The following FSHR variants were observed in gnomAD, a reference collection of about 807,000 sequenced individuals.
FSHR encodes the protein follicle-stimulating hormone receptor.
Under a neutral mutation model 52.1 loss-of-function variants are expected in FSHR, and 46 were observed. The ratio of observed to expected loss-of-function variants is 0.88; its 90% CI spans 0.70 to 1.13. The LOEUF (loss-of-function observed/expected upper bound fraction) is 1.13. Ranked by LOEUF, FSHR falls within the 50% of genes most tolerant of loss-of-function variation. The pLI is 0.00. For missense variants in FSHR, 964 were observed against 834.6 expected (o/e 1.16, Z -1.91); for synonymous variants, 399 against 309.6 (o/e 1.29, Z -3.03).
intron 2 of FSHR, among the ~76,000 whole-genome samples, chr2:49,036,761 G>C (rs372018910): frequency 2.0e-5 from 3 of 152,098 alleles, no homozygotes; most frequent in East Asian, 3.9e-4. Context: ...TTAAAGGAGA[G>C]GGTGATAAAC....
intron 1 of FSHR, among the ~76,000 whole-genome samples, chr2:49,154,002 G>C (rs1024200381): frequency 2.6e-5 from 4 of 152,112 alleles, no homozygotes; most frequent in African/African-American, 7.2e-5. Context: ...GCATTGAAAA[G>C]ACAAAACTTT....
At chr2:49,131,761 A>G (rs1672288522) in intron 1 of FSHR, among the ~76,000 whole-genome samples, 2 of 152,202 alleles carry the variant, frequency 1.3e-5, no homozygotes, top group African/African-American at 4.8e-5. Context: ...CAGGAACAAG[A>G]ACAATTTCTT....
At chr2:48,965,156 G>A (rs2103997377) in intron 9 of FSHR, among the ~76,000 whole-genome samples, 2 of 152,214 alleles carry the variant, frequency 1.3e-5, no homozygotes, top group Middle Eastern at 6.8e-3. Flanking sequence ...AAGGAAAAAG[G>A]TGGCTAGGGG....
At chr2:49,122,692 T>G (rs1237334407) in intron 1 of FSHR, among the ~76,000 whole-genome samples, 1 of 152,186 alleles carries the variant, frequency 6.6e-6, no homozygotes, top group Non-Finnish European at 1.5e-5. Flanking sequence ...CTCCAGGGTG[T>G]GCAATAGCTT....
At chr2:49,151,731 C>T (rs183641556) in intron 1 of FSHR, among the ~76,000 whole-genome samples, 209 of 152,190 alleles carry the variant, frequency 1.4e-3, no homozygotes, top group African/African-American at 4.7e-3. Context: ...AATACGCAAA[C>T]TTGGAAGATT....
At chr2:49,133,074 A>G (rs1672350611) in intron 1 of FSHR, among the ~76,000 whole-genome samples, 1 of 150,896 alleles carries the variant, frequency 6.6e-6, no homozygotes, top group Non-Finnish European at 1.5e-5. Context: ...CCCACTCCAG[A>G]CTGCTGCAGT....
Position 49,143,445 on chromosome 2 carries a change from G to T in FSHR, c.152+10821C>A, listed in dbSNP as rs114117018. ...GTACAAAACATATGGAAGATAAAGA[G>T]AAATTTTTTGGTACCTGTGACAAGA... On this transcript the variant is annotated intron_variant, in intron 1 of 9. Coordinates refer to ENST00000406846, the MANE Select transcript of FSHR (RefSeq NM_000145.4). Among the ~76,000 whole-genome samples the T allele has an allele frequency of 2.6e-3, 397 of 152,212 alleles. 2 individuals carry two copies. Among genetic ancestry groups the T allele is most frequent in the African/African-American group, 8.6e-3 (359 of 41,544 alleles).
intron 4 of FSHR, among the ~76,000 whole-genome samples, chr2:49,012,394 A>G (rs563534045): frequency 1.3e-5 from 2 of 152,252 alleles, no homozygotes; most frequent in South Asian, 4.1e-4. Flanking sequence ...AGTTAAGAAC[A>G]CTTCTTTATT....
intron 4 of FSHR, chr2:48,997,192 C>T (rs1046047043): frequency 5.6e-5 from 55 of 978,730 alleles, no homozygotes; most frequent in Non-Finnish European, 6.7e-5. Context: ...TTCAGAGTCT[C>T]AGTTTCTCTC....
chr2:49,082,715 C>T lies in FSHR; in HGVS notation c.153-14425G>A, dbSNP rs530831629. 6.4e-4 allele frequency among the ~76,000 whole-genome samples: 98 copies of T among 152,008 alleles called. 1 individual carries two copies. The highest frequency in any genetic ancestry group is 2.2e-3 in the African/African-American group (92 of 41,424). On this transcript the variant is annotated intron_variant, in intron 1 of 9. Coordinates refer to ENST00000406846, the MANE Select transcript of FSHR (RefSeq NM_000145.4). ...TGAAGAATGCAGAAGCCTCAGGAGC[C>T]GATGCGATCAACTGGAAGAAAGGGT...
intron 8 of FSHR, among the ~76,000 whole-genome samples, chr2:48,971,036 C>T (rs1251431571): frequency 6.6e-6 from 1 of 152,176 alleles, no homozygotes; most frequent in Non-Finnish European, 1.5e-5. Flanking sequence ...CTTAGTACTG[C>T]AGATATAAAA....
At chr2:49,117,137 C>T (rs1368822329) in intron 1 of FSHR, among the ~76,000 whole-genome samples, 3 of 152,164 alleles carry the variant, frequency 2.0e-5, no homozygotes, top group Non-Finnish European at 4.4e-5. Context: ...AAAAAAGGTT[C>T]ACAGGAGAAG....
In FSHR at chr2:49,017,566, G is replaced by T; in HGVS notation, c.300-3C>A. ...GGTTGTTGGCCTTTTCAATTCTACT[G>T]TAAAAGAAGAAAAAACATGCTAGTG... On this transcript the variant is annotated splice_region_variant and splice_polypyrimidine_tract_variant and intron_variant, in intron 3 of 9. Transcript: ENST00000406846. The T allele has an allele frequency of 2.5e-6, 4 of 1,610,544 alleles. No homozygotes were observed. Among genetic ancestry groups the T allele is most frequent in the Non-Finnish European group, 3.4e-6 (4 of 1,177,054 alleles).
At chr2:49,013,516 A>AT (rs1667367774) in intron 4 of FSHR, among the ~76,000 whole-genome samples, 1 of 143,148 alleles carries the variant, frequency 7.0e-6, no homozygotes, top group East Asian at 2.0e-4. Context: ...ATATATATAT[A>AT]AATATATATA....
At chr2:48,980,001 T>C (rs188240302) in intron 8 of FSHR, among the ~76,000 whole-genome samples, 2 of 152,250 alleles carry the variant, frequency 1.3e-5, no homozygotes, top group East Asian at 1.9e-4. Flanking sequence ...AGGGTTTAGA[T>C]GGTTTAGTGT....
intron 1 of FSHR, among the ~76,000 whole-genome samples, chr2:49,090,120 A>G (rs553618764): frequency 7.8e-6 from 1 of 127,806 alleles, no homozygotes; most frequent in African/African-American, 3.2e-5. Context: ...ATACAGTAAA[A>G]TCGAGTGTGT....
chr2:49,001,507 A>G (rs1666884360), intron 4 of FSHR, among the ~76,000 whole-genome samples: 1 of 152,158 alleles, frequency 6.6e-6, no homozygotes, highest in Non-Finnish European at 1.5e-5. Flanking sequence ...TTGGATGCTG[A>G]TGTTAGAATA....
chr2:48,974,977 T>C (rs1447655804), intron 8 of FSHR, among the ~76,000 whole-genome samples: 2 of 152,150 alleles, frequency 1.3e-5, no homozygotes, highest in Non-Finnish European at 2.9e-5. Context: ...GATGCAAATA[T>C]ACATGGGCGT....
At position 48,962,710 on chromosome 2, in the gene FSHR, C is replaced by G. The variant is rs369698547; in HGVS notation, c.*23G>C. ...CAAGACTGAATTATCATTCAATACT[C>G]AGATACATTTTCACATTGTGTTTTA... On this transcript the variant is annotated 3_prime_UTR_variant, in exon 10 of 10. Transcript: ENST00000406846. The G allele has an allele frequency of 4.4e-5, 71 of 1,607,506 alleles. No homozygotes were observed. In the African/African-American group the frequency reaches 9.3e-4, roughly 21 times the overall value.
Sources: allele counts gnomAD v4.1 joint callset (sites outside exome capture counted in the v4.1 genomes callset), GRCh38; gene constraint gnomAD v4.1.1; transcripts MANE v1.5; gene names NCBI Gene and HGNC (gene_info 2026-07-23, HGNC 2026-07-21).